Variants in AP2B1 observed in about 807,000 individuals in gnomAD.
The protein encoded by AP2B1 is AP-2 complex subunit beta.
In AP2B1, 23 loss-of-function variants were observed where a neutral mutation model predicts 102.0. The observed-to-expected ratio is 0.23, with a 90% confidence interval of 0.16 to 0.32. The LOEUF (loss-of-function observed/expected upper bound fraction) is 0.32. AP2B1 is among the 10% of genes least tolerant of loss of function. The pLI, the probability that AP2B1 is intolerant of heterozygous loss-of-function variation, is 1.00. For synonymous variants in AP2B1, 381 were observed against 421.2 expected (o/e 0.90, Z 1.17); for missense variants, 541 against 1,157.4 (o/e 0.47, Z 7.73).
chr17:35,720,323 T>G (rs2085319616), intron 21 of AP2B1, among the ~76,000 whole-genome samples: 1 of 151,864 alleles, frequency 6.6e-6, no homozygotes, highest in South Asian at 2.1e-4. Flanking sequence ...CTGCCACATA[T>G]TGAAATGATC....
chr17:35,688,308 A>T (rs993740655), intron 18 of AP2B1, among the ~76,000 whole-genome samples: 1 of 152,232 alleles, frequency 6.6e-6, no homozygotes, highest in Non-Finnish European at 1.5e-5. Flanking sequence ...TCTTCATACT[A>T]GGTTAGGAAT....
intron 12 of AP2B1, among the ~76,000 whole-genome samples, chr17:35,647,270 A>G (rs2074959958): frequency 6.6e-6 from 1 of 152,154 alleles, no homozygotes; most frequent in South Asian, 2.1e-4. Context: ...GCTCTTTTAA[A>G]AATATCAACT....
At chr17:35,612,866 A>G (rs1345641215) in intron 5 of AP2B1, among the ~76,000 whole-genome samples, 1 of 119,250 alleles carries the variant, frequency 8.4e-6, no homozygotes, top group Non-Finnish European at 1.8e-5. Context: ...GAGGTCATTT[A>G]AATGTGTATG....
chr17:35,687,485 A>G (rs587767834), intron 18 of AP2B1, among the ~76,000 whole-genome samples: 125 of 151,990 alleles, frequency 8.2e-4, no homozygotes, highest in Non-Finnish European at 1.5e-3. Context: ...CATACTTTTC[A>G]TGTTCCCATT....
chr17:35,646,195 C>T (rs2074928530), intron 12 of AP2B1, among the ~76,000 whole-genome samples: 1 of 152,198 alleles, frequency 6.6e-6, no homozygotes, highest in African/African-American at 2.4e-5. Context: ...TCTAGCAGTA[C>T]AGTAGATCCA....
At chr17:35,624,155 A>G (rs954349349) in intron 5 of AP2B1, among the ~76,000 whole-genome samples, 1 of 152,212 alleles carries the variant, frequency 6.6e-6, no homozygotes, top group Non-Finnish European at 1.5e-5. Flanking sequence ...CTATTAAATA[A>G]CATGTGACTC....
At chr17:35,598,201 C>A (rs1352536325) in intron 2 of AP2B1, 29 bp from the exon 3 acceptor site, 5 of 1,470,200 alleles carry the variant, frequency 3.4e-6, no homozygotes, top group Admixed American at 3.4e-5. Context: ...GGTACTGGAA[C>A]CTTACCAGTT....
chr17:35,595,087 A>C (rs938433987), intron 2 of AP2B1, among the ~76,000 whole-genome samples: 1 of 152,182 alleles, frequency 6.6e-6, no homozygotes, highest in Non-Finnish European at 1.5e-5. Context: ...CTCTTGTTGC[A>C]GTGAGTTGCT....
chr17:35,678,566 A>G (rs149549932), intron 17 of AP2B1, among the ~76,000 whole-genome samples: 2,276 of 152,298 alleles, frequency 0.015, 32 homozygotes, highest in Non-Finnish European at 0.021. Flanking sequence ...TTTATTATGA[A>G]TGGGTATTAA....
chr17:35,610,170 A>G (rs1476019504), intron 5 of AP2B1, among the ~76,000 whole-genome samples: 1 of 109,918 alleles, frequency 9.1e-6, no homozygotes, highest in African/African-American at 3.6e-5. Flanking sequence ...TTTGAGATGG[A>G]GTGTCACTCT....
intron 9 of AP2B1, among the ~76,000 whole-genome samples, chr17:35,629,611 T>C (rs1480900868): frequency 6.6e-6 from 1 of 152,214 alleles, no homozygotes; most frequent in Non-Finnish European, 1.5e-5. Context: ...TCTATGCATA[T>C]AATTTTTTAA....
chr17:35,629,035 G>A (rs543112152), intron 9 of AP2B1, among the ~76,000 whole-genome samples: 85 of 151,812 alleles, frequency 5.6e-4, no homozygotes, highest in African/African-American at 2.0e-3. Flanking sequence ...TGCAACCTCT[G>A]CCTCCCGGGC....
At chr17:35,641,251 T>C (rs1402342830) in intron 11 of AP2B1, among the ~76,000 whole-genome samples, 1 of 152,164 alleles carries the variant, frequency 6.6e-6, no homozygotes, top group Non-Finnish European at 1.5e-5. Context: ...GAGCCAATTT[T>C]ATCACCATCA....
chr17:35,684,772 G>C (rs1157455654), intron 18 of AP2B1, among the ~76,000 whole-genome samples: 1 of 152,072 alleles, frequency 6.6e-6, no homozygotes, highest in Non-Finnish European at 1.5e-5. Context: ...TGGCCACAGA[G>C]CCTCAAGCCT....
chr17:35,722,755 A>G (rs1340332895), intron 21 of AP2B1, among the ~76,000 whole-genome samples: 1 of 152,174 alleles, frequency 6.6e-6, no homozygotes, highest in Non-Finnish European at 1.5e-5. Context: ...TATAAAATAT[A>G]TAGCTATTAA....
intron 12 of AP2B1, among the ~76,000 whole-genome samples, chr17:35,643,150 A>G (rs1166223441): frequency 6.6e-6 from 1 of 151,560 alleles, no homozygotes; most frequent in Non-Finnish European, 1.5e-5. Context: ...TGGGCCACAC[A>G]TAAAATACAC....
At chr17:35,612,879 C>CGT (rs2073904851) in intron 5 of AP2B1, among the ~76,000 whole-genome samples, 1 of 52,158 alleles carries the variant, frequency 1.9e-5, no homozygotes, top group African/African-American at 7.0e-5. Context: ...TGTGTATGTG[C>CGT]GCACACACAC....
chr17:35,711,578 C>T (rs2076450716), intron 20 of AP2B1, among the ~76,000 whole-genome samples: 1 of 152,144 alleles, frequency 6.6e-6, no homozygotes, highest in Non-Finnish European at 1.5e-5. Flanking sequence ...ATGCCATTCT[C>T]CTGCCTCAGC....
In AP2B1 at chr17:35,614,655, T is replaced by TAAAAAAA. The variant is rs3031833; in HGVS notation, c.525+6287_525+6293dup. Among the ~76,000 whole-genome samples the TAAAAAAA allele has an allele frequency of 7.5e-5, 7 of 93,138 alleles. 1 individual carries two copies. The highest frequency in any genetic ancestry group is 1.2e-4 in the Non-Finnish European group (6 of 49,970). 61.1% of individuals were successfully genotyped at this position (93,138 alleles called of 152,430 possible). A position where few individuals can be genotyped will look rare whatever the true frequency, so the allele number is the denominator to read the frequency against. ...GCAAAATTGCAAACTGTTGAATTAG[T>TAAAAAAA]AAAAAAAAAAAAAAAAAAAAAAAAA... On this transcript the variant is annotated intron_variant, in intron 5 of 21. Transcript: ENST00000610402.
Sources: gnomAD v4.1 joint callset for allele counts (sites outside exome capture counted in the v4.1 genomes callset) on GRCh38, gnomAD v4.1.1 for gene constraint, MANE v1.5 for transcripts, NCBI Gene and HGNC (gene_info 2026-07-23, HGNC 2026-07-21) for gene names.